Variants in CD101 observed in about 807,000 individuals in gnomAD.
The protein encoded by CD101 is CD101 molecule.
In CD101, 76 loss-of-function variants were observed where a neutral mutation model predicts 98.2. That is an observed-to-expected ratio of 0.77 (90% confidence interval 0.64 to 0.94). The LOEUF is 0.94. Ranked by LOEUF, CD101 falls within the 40% of genes least tolerant of loss-of-function variation. The probability of loss-of-function intolerance (pLI) is 0.00; values close to 1 mark genes in which losing one functional copy is unlikely to be tolerated. For synonymous variants in CD101, 471 were observed against 472.7 expected, an observed-to-expected ratio of 1.00 and a Z score of 0.05; for missense variants, 1,145 against 1,218.8, an observed-to-expected ratio of 0.94 and a Z score of 0.90.
chr1:117,029,971 T>C (rs572106073), intron 8 of CD101, among the ~76,000 whole-genome samples: 10 of 152,352 alleles, frequency 6.6e-5, no homozygotes, highest in Admixed American at 5.2e-4. Context: ...ACCCTAGACA[T>C]TAAATGTCTT....
chr1:117,025,831 T>G lies in CD101; in HGVS notation c.2751T>G (p.His917Gln), dbSNP rs758433151. The G allele has an allele frequency of 6.2e-7, 1 of 1,614,118 alleles. No individual in the cohort carries two copies. Among genetic ancestry groups the G allele is most frequent in the Non-Finnish European group, 8.5e-7 (1 of 1,180,012 alleles). ...GTAGGGTGGCAGAGTGGCAGCTCCATGGACACCCAAGCAAGTGGATTAATC... is the reference window on the plus strand; with the variant it reads ...GTAGGGTGGCAGAGTGGCAGCTCCAGGGACACCCAAGCAAGTGGATTAATC... Reference protein sequence around the residue: ...YWCRVAEWQLHGHPSKWINQA... With the variant: ...YWCRVAEWQLQGHPSKWINQA... The change falls in exon 8 of 10, where the codon CAT becomes CAG. Residue 917 changes from histidine (H) to glutamine (Q), a missense_variant. Transcript: ENST00000682167.
At chr1:117,030,219 C>CA (rs1277239082) in intron 8 of CD101, among the ~76,000 whole-genome samples, 3 of 152,012 alleles carry the variant, frequency 2.0e-5, no homozygotes, top group African/African-American at 4.8e-5. Flanking sequence ...CCTGTCTCTA[C>CA]AAAAAATTTA....
chr1:117,021,995 G>A lies in CD101; in HGVS notation c.2428+12G>A, dbSNP rs767222919. On this transcript the variant is annotated intron_variant, in intron 7 of 9. Coordinates refer to ENST00000682167, the MANE Select transcript of CD101 (RefSeq NM_001256106.3). This position sits in a 1 kb window ranked among gnomAD's most constrained non-coding sequence, Gnocchi z 4.7. ...ACTCAAGCCCACAGGTAAACCTTGC[G>A]AGTGTATCCTCACAATGTCTGTCTG... is the stretch of plus-strand genomic sequence containing the variant. 2.5e-6 allele frequency: 4 copies of A among 1,588,668 alleles called. No homozygotes were observed. Among genetic ancestry groups the A allele is most frequent in the Non-Finnish European group, 3.4e-6 (4 of 1,168,492 alleles).
In CD101 at chr1:117,006,659, C is replaced by G. The variant is rs2101112543; in HGVS notation, c.44-3191C>G. Reference sequence around the variant, plus strand: ...ACCTTGTCATAATCTTCCCAATTCTCCAAAATCCATTTCTAATGCCATCTC... The same window carrying G: ...ACCTTGTCATAATCTTCCCAATTCTGCAAAATCCATTTCTAATGCCATCTC... On this transcript the variant is annotated intron_variant, in intron 1 of 9. Coordinates refer to ENST00000682167, the MANE Select transcript of CD101 (RefSeq NM_001256106.3). This position sits in a 1 kb window ranked among gnomAD's most constrained non-coding sequence, Gnocchi z 4.4. 6.6e-6 allele frequency among the ~76,000 whole-genome samples: 1 copy of G among 152,078 alleles called. No individual in the cohort carries two copies. The highest frequency in any genetic ancestry group is 1.9e-4 in the East Asian group (1 of 5,182).
intron 8 of CD101, among the ~76,000 whole-genome samples, chr1:117,029,046 A>G (rs1484425037): frequency 1.4e-5 from 2 of 145,038 alleles, no homozygotes; most frequent in Non-Finnish European, 2.9e-5. Context: ...CAGAAAGAAA[A>G]GAAAGAAAGA....
rs17229347 is a variant in CD101 at position 117,011,424 on chromosome 1, A to G, written c.425-126A>G. On this transcript the variant is annotated intron_variant, in intron 2 of 9. Coordinates refer to ENST00000682167, the MANE Select transcript of CD101 (RefSeq NM_001256106.3). ...AGAGAAAGCATATGGATAGGAAAGC[A>G]TATGGCAAGTGGAAAACCAACTCAA... 8.3e-3 allele frequency: 6,198 copies of G among 750,368 alleles called. 46 individuals carry two copies. The highest frequency in any genetic ancestry group is 0.012 in the Non-Finnish European group (5,261 of 453,092). The allele number at this position is 750,368 out of a possible 1,614,324, so 46.5% of individuals were successfully genotyped here.
At position 117,013,618 on chromosome 1, in the gene CD101, G is replaced by T. The variant is rs765689087; in HGVS notation, c.1054G>T (p.Val352Phe). ...KERASQGELQ[V>F]SKLGPKAFSL... ...GAGAGCAAGTCAAGGAGAGCTCCAG[G>T]TTTCAAAGTTAGGCCCCAAGGCTTT... Residue 352 changes from valine to phenylalanine, a missense_variant, in exon 4 of 10, where the codon GTT (valine) becomes TTT (phenylalanine). Transcript: ENST00000682167. 6.2e-7 allele frequency: 1 copy of T among 1,614,162 alleles called. No homozygotes were observed. The highest frequency in any genetic ancestry group is 8.5e-7 in the Non-Finnish European group (1 of 1,180,016).
In CD101 at chr1:117,029,241, GA is replaced by G. The variant is rs778359159; in HGVS notation, c.2824+3340del. 1.0e-4 allele frequency among the ~76,000 whole-genome samples: 14 copies of G among 140,098 alleles called. 2 individuals are homozygous for G. Among genetic ancestry groups the G allele is most frequent in the Admixed American group, 6.9e-4 (10 of 14,496 alleles). 91.9% of individuals were successfully genotyped at this position (140,098 alleles called of 152,430 possible). On this transcript the variant is annotated intron_variant, in intron 8 of 9. Coordinates refer to ENST00000682167, the MANE Select transcript of CD101 (RefSeq NM_001256106.3). ...AGAAAGAAAGAAAGAAAGAAAGAAA[GA>G]AAGAAAGAAAGAAAGAAAGAAAGAA...
At chr1:117,003,227 G>A (rs2101108239) in intron 1 of CD101, among the ~76,000 whole-genome samples, 1 of 152,320 alleles carries the variant, frequency 6.6e-6, no homozygotes, top group Non-Finnish European at 1.5e-5. Flanking sequence ...GATGATTGGG[G>A]AACTAAACCA....
In CD101 at chr1:117,009,890, A is replaced by G; in HGVS notation, c.84A>G (p.Lys28=). 6.2e-7 allele frequency: 1 copy of G among 1,612,740 alleles called. No homozygotes were observed. The highest frequency in any genetic ancestry group is 8.5e-7 in the Non-Finnish European group (1 of 1,179,142). The change falls in exon 2 of 10, where the codon AAA becomes AAG. Residue 28 remains lysine (K), a synonymous_variant. Coordinates refer to ENST00000682167, the MANE Select transcript of CD101 (RefSeq NM_001256106.3). ...GCCAGAGAGAAGTAACAGTTCAGAA[A>G]GGACCACTGTTTAGAGCTGAAGGTT... ...SIGQREVTVQ[K]GPLFRAEGYP...
At position 117,021,760 on chromosome 1, in the gene CD101, T is replaced by C. The variant is rs754455068; in HGVS notation, c.2205T>C (p.Val735=). ...TCCTGGAGATGGACCAAACCAATGT[T>C]ATAAAAACTGGGGATGAGTTTCACA... ...LKILEMDQTN[V]IKTGDEFHTP... is the part of the protein sequence containing the mutation. Residue 735 remains valine (V), a synonymous_variant, in exon 7 of 10, where the codon GTT becomes GTC. Transcript: ENST00000682167. This position sits in a 1 kb window ranked among gnomAD's most constrained non-coding sequence, Gnocchi z 4.7. The C allele has an allele frequency of 6.2e-7, 1 of 1,614,008 alleles. No homozygotes were observed. Among genetic ancestry groups the C allele is most frequent in the Non-Finnish European group, 8.5e-7 (1 of 1,179,988 alleles).
chr1:117,022,117 A>C lies in CD101; in HGVS notation c.2428+134A>C. On this transcript the variant is annotated intron_variant, in intron 7 of 9. Transcript: ENST00000682167. This position sits in a 1 kb window ranked among gnomAD's most constrained non-coding sequence, Gnocchi z 4.8. ...TCATAGGAACAGTATCTACCTACAC[A>C]TGACTGCAAGACCGAGTAGTCCACC... 2 of 993,746 alleles carry C rather than the reference A, an allele frequency of 2.0e-6. No homozygotes were observed. The highest frequency in any genetic ancestry group is 2.4e-4 in the Middle Eastern group (1 of 4,116). The allele number at this position is 993,746 out of a possible 1,614,324, so 61.6% of individuals were successfully genotyped here.
At position 117,034,306 on chromosome 1, in the gene CD101, C is replaced by T. The variant is rs41302810; in HGVS notation, c.*33+172C>T. On this transcript the variant is annotated intron_variant, in intron 9 of 9. Coordinates refer to ENST00000682167, the MANE Select transcript of CD101 (RefSeq NM_001256106.3). ...TTTGTGTCTTACCTCATCCACCTCT[C>T]GCATCCCCCCTTGGAACAAGATAGC... 5,968 of 601,158 alleles carry T rather than the reference C, an allele frequency of 9.9e-3. 44 individuals carry two copies. Among genetic ancestry groups the T allele is most frequent in the Non-Finnish European group, 0.013 (4,423 of 343,108 alleles). 37.2% of individuals were successfully genotyped at this position (601,158 alleles called of 1,614,324 possible).
At position 117,021,214 on chromosome 1, in the gene CD101, G is replaced by A. The variant is rs527918839; in HGVS notation, c.2018-359G>A. Among the ~76,000 whole-genome samples, 16 of 152,316 alleles carry A rather than the reference G, an allele frequency of 1.1e-4. No individual in the cohort carries two copies. The South Asian group carries it at 1.2e-3, about 12-fold the overall frequency. On this transcript the variant is annotated intron_variant, in intron 6 of 9. Transcript: ENST00000682167. This position sits in a 1 kb window ranked among gnomAD's most constrained non-coding sequence, Gnocchi z 4.7. ...GAAGAGATGCTTGTGCTTAAATACC[G>A]AAGCAGTATCATGTGGAAGAGAGAT...
intron 7 of CD101, among the ~76,000 whole-genome samples, chr1:117,024,392 G>A (rs528474978): frequency 1.3e-5 from 2 of 152,220 alleles, no homozygotes; most frequent in Admixed American, 1.3e-4. Context: ...CAGGATAATC[G>A]CTTGAACCCG....
intron 2 of CD101, 56 bp from the exon 3 acceptor site, chr1:117,011,494 A>G (rs1017670039): frequency 8.1e-6 from 12 of 1,478,972 alleles, no homozygotes; most frequent in Non-Finnish European, 1.1e-5. Context: ...CCATCTAAGG[A>G]GGCCCACTGG....
chr1:117,016,964 G>T, intron 4 of CD101, 126 bp from the exon 5 acceptor site: 1 of 1,018,162 alleles, frequency 9.8e-7, no homozygotes, highest in Non-Finnish European at 1.4e-6. Context: ...GGTGGTGCAA[G>T]AGGAAACAGC....
Position 117,001,870 on chromosome 1 carries a change from A to AATT in CD101, c.43+10_43+11insATT. 6.2e-7 allele frequency: 1 copy of AATT among 1,613,706 alleles called. No homozygotes were observed. Among genetic ancestry groups the AATT allele is most frequent in the Non-Finnish European group, 8.5e-7 (1 of 1,179,606 alleles). The stretch of plus-strand genomic sequence containing the variant: ...TTCTTTCTCCTTCTGAGTAAGTTTC[A>AATT]TAATCCTTTATGTTTCTCTTGTCAC... On this transcript the variant is annotated intron_variant, in intron 1 of 9. Coordinates refer to ENST00000682167, the MANE Select transcript of CD101 (RefSeq NM_001256106.3).
At chr1:117,027,859 G>A (rs1429906450) in intron 8 of CD101, among the ~76,000 whole-genome samples, 2 of 152,114 alleles carry the variant, frequency 1.3e-5, no homozygotes, top group Admixed American at 6.5e-5. Flanking sequence ...CAAGGCGGGC[G>A]GGTCACCTGA....
Sources: allele counts gnomAD v4.1 joint callset (sites outside exome capture counted in the v4.1 genomes callset), GRCh38; gene constraint gnomAD v4.1.1; non-coding constraint Gnocchi (gnomAD v3.1); transcripts MANE v1.5; gene names NCBI Gene and HGNC (gene_info 2026-07-23, HGNC 2026-07-21).